Variants in DSC3 observed in about 807,000 individuals in gnomAD.
DSC3 encodes the protein desmocollin 3.
A neutral mutation model predicts 89.5 loss-of-function variants in DSC3; 97 were observed. The observed-to-expected ratio is 1.08, with a 90% confidence interval of 0.92 to 1.28. The LOEUF (loss-of-function observed/expected upper bound fraction) is 1.28, where lower values mean the gene tolerates loss of function less well. Among genes scored for constraint, DSC3 ranks in the 50% most tolerant of loss-of-function variants. The pLI is 0.00. For missense variants in DSC3, 1,199 were observed against 1,085.3 expected, an observed-to-expected ratio of 1.10 and a Z score of -1.47; for synonymous variants, 436 against 384.1, an observed-to-expected ratio of 1.14 and a Z score of -1.58.
intron 7 of DSC3, among the ~76,000 whole-genome samples, chr18:31,021,078 C>G (rs9807290): frequency 0.046 from 6,910 of 150,960 alleles, 519 homozygotes; most frequent in African/African-American, 0.16. Context: ...TATCTCCCAT[C>G]ATTTTTACTT....
intron 8 of DSC3, 92 bp downstream of exon 8, chr18:31,018,571 TATG>T (rs1279479972): frequency 5.4e-6 from 7 of 1,308,184 alleles, no homozygotes; most frequent in South Asian, 2.4e-5. Context: ...TACGTCAAAG[TATG>T]ATACTTCATG....
intron 1 of DSC3, 77 bp from the exon 2 acceptor site, chr18:31,032,353 A>G: frequency 1.7e-6 from 2 of 1,159,230 alleles, no homozygotes; most frequent in Non-Finnish European, 2.6e-6. Context: ...TAGATGTAAA[A>G]CAAGCAACTG....
chr18:31,004,068 A>AT (rs1567950828), intron 13 of DSC3, 74 bp downstream of exon 13: 3 of 1,207,252 alleles, frequency 2.5e-6, no homozygotes, highest in Non-Finnish European at 3.6e-6. Context: ...GGACGAGATT[A>AT]TTTTTTAAAC....
chr18:30,997,374 C>T lies in DSC3; in HGVS notation c.2236-326G>A, dbSNP rs770437957. Among the ~76,000 whole-genome samples, 39 of 152,154 alleles carry T rather than the reference C, an allele frequency of 2.6e-4. No homozygotes were observed. In the Middle Eastern group the frequency reaches 0.02, roughly 80 times the overall value. Reference sequence around the variant, plus strand: ...CAGAAGGTGGAAGGGCAAAAGAGCACGAGTGAGAGGGAGAGGGAGAGAGGG... The same window carrying T: ...CAGAAGGTGGAAGGGCAAAAGAGCATGAGTGAGAGGGAGAGGGAGAGAGGG... On this transcript the variant is annotated intron_variant, in intron 14 of 15. Transcript: ENST00000360428.
At chr18:31,035,246 A>T (rs981542174) in intron 1 of DSC3, among the ~76,000 whole-genome samples, 37 of 152,072 alleles carry the variant, frequency 2.4e-4, no homozygotes, top group African/African-American at 8.9e-4. Context: ...CTAATATGTG[A>T]TCTAAAATTA....
rs766737957 is a variant in DSC3 at position 31,018,097 on chromosome 18, T to C, written c.1237A>G (p.Asn413Asp). The C allele has an allele frequency of 3.3e-5, 53 of 1,612,426 alleles. No individual in the cohort carries two copies. Among genetic ancestry groups the C allele is most frequent in the Non-Finnish European group, 4.5e-5 (53 of 1,179,226 alleles). ...HFKISTDKET[N>D]EGVLSVVKPL... ...TTTACAACAGAAAGAACACCTTCATTAGTTTCTTTGTCTGTGCTGATTTTG... is the reference window on the plus strand; with the variant it reads ...TTTACAACAGAAAGAACACCTTCATCAGTTTCTTTGTCTGTGCTGATTTTG... The change falls in exon 9 of 16, where the codon AAT (asparagine) becomes GAT (aspartate). Residue 413 changes from asparagine to aspartate, a missense_variant. Transcript: ENST00000360428.
chr18:31,006,336 T>C (rs1349944152), intron 12 of DSC3, among the ~76,000 whole-genome samples: 2 of 144,538 alleles, frequency 1.4e-5, no homozygotes, highest in Non-Finnish European at 3.0e-5. Context: ...TCTCCCTCTG[T>C]CCCCCAGGCT....
At chr18:31,014,615 C>T (rs530071915) in intron 9 of DSC3, among the ~76,000 whole-genome samples, 1 of 152,202 alleles carries the variant, frequency 6.6e-6, no homozygotes, top group Admixed American at 6.5e-5. Context: ...ATAGGTTAAG[C>T]ACTTGGCAAA....
intron 12 of DSC3, among the ~76,000 whole-genome samples, chr18:31,006,176 G>A (rs1256957815): frequency 3.9e-5 from 6 of 152,030 alleles, no homozygotes; most frequent in African/African-American, 1.5e-4. Flanking sequence ...ATCCCGCCAG[G>A]TTCACTTCCA....
At chr18:31,021,544 T>C (rs933564020) in intron 7 of DSC3, among the ~76,000 whole-genome samples, 3 of 152,224 alleles carry the variant, frequency 2.0e-5, no homozygotes, top group Non-Finnish European at 4.4e-5. Context: ...TAATATATTT[T>C]CTAGTCATAT....
At chr18:31,032,583 TGTGTGTGCGTGTGC>T (rs780024159) in intron 1 of DSC3, among the ~76,000 whole-genome samples, 3,805 of 117,896 alleles carry the variant, frequency 0.032, 101 homozygotes, top group East Asian at 0.21. Flanking sequence ...TGTGTGTGTG[TGTGTGTGCGTGTGC>T]GTGTGCGTGT....
At position 30,991,682 on chromosome 18, in the gene DSC3, GATACAGCAGGAAA is replaced by G. The variant is rs1331746116; in HGVS notation, c.*2480_*2492del. On this transcript the variant is annotated 3_prime_UTR_variant, in exon 16 of 16. Coordinates refer to ENST00000360428, the MANE Select transcript of DSC3 (RefSeq NM_001941.5). ...AGCCGTTAGATAAAACTGGCTTCTG[GATACAGCAGGAAA>G]TTTCAGCAACTAGGCTTACAGAGAA... 6.6e-6 allele frequency: 1 copy of G among 152,104 alleles called. No individual in the cohort carries two copies. Among genetic ancestry groups the G allele is most frequent in the African/African-American group, 2.4e-5 (1 of 41,422 alleles). 9.4% of individuals were successfully genotyped at this position (152,104 alleles called of 1,614,324 possible). A position where few individuals can be genotyped will look rare whatever the true frequency, so the allele number is the denominator to read the frequency against.
In DSC3 at chr18:30,993,680, GA is replaced by G. The variant is rs763701133; in HGVS notation, c.*494del. On this transcript the variant is annotated 3_prime_UTR_variant, in exon 16 of 16. Coordinates refer to ENST00000360428, the MANE Select transcript of DSC3 (RefSeq NM_001941.5). ...ACACATTTTGCCTCCAAAGTCAAATGAATTTGGTAGTGCAGTAGGGGTGAGT... is the reference window on the plus strand; with the variant it reads ...ACACATTTTGCCTCCAAAGTCAAATGATTTGGTAGTGCAGTAGGGGTGAGT... The G allele has an allele frequency of 1.2e-4, 19 of 156,002 alleles. No individual in the cohort carries two copies. Among genetic ancestry groups the G allele is most frequent in the Non-Finnish European group, 2.6e-4 (18 of 70,552 alleles). 9.7% of individuals were successfully genotyped at this position (156,002 alleles called of 1,614,324 possible).
chr18:31,034,523 C>T (rs547647887), intron 1 of DSC3, among the ~76,000 whole-genome samples: 37 of 152,296 alleles, frequency 2.4e-4, no homozygotes, highest in Non-Finnish European at 4.1e-4. Flanking sequence ...CAAGTCCACT[C>T]TTCCTAAAAG....
At chr18:31,002,928 ACT>A (rs1984715409) in intron 13 of DSC3, among the ~76,000 whole-genome samples, 1 of 151,730 alleles carries the variant, frequency 6.6e-6, no homozygotes, top group Admixed American at 6.6e-5. Flanking sequence ...AAGTGTGCCA[ACT>A]CTTGCCTACC....
intron 14 of DSC3, 64 bp from the exon 15 acceptor site, chr18:30,997,112 G>A (rs982543078): frequency 7.6e-6 from 12 of 1,568,938 alleles, no homozygotes; most frequent in Middle Eastern, 1.7e-4. Context: ...TCATGAGAAG[G>A]CAAAGGAGAG....
intron 7 of DSC3, among the ~76,000 whole-genome samples, chr18:31,019,720 G>C (rs1386823281): frequency 6.7e-6 from 1 of 150,332 alleles, no homozygotes; most frequent in African/African-American, 2.5e-5. Context: ...TTGAGTGGGA[G>C]TTTGAGGTAA....
At chr18:31,042,146 C>T (rs1404597098) in intron 1 of DSC3, among the ~76,000 whole-genome samples, 1 of 152,288 alleles carries the variant, frequency 6.6e-6, no homozygotes, top group East Asian at 1.9e-4. Context: ...TCCGGGTCAA[C>T]TGCGACCCAG....
At chr18:31,015,774 C>T (rs1598540165) in intron 9 of DSC3, among the ~76,000 whole-genome samples, 1 of 152,110 alleles carries the variant, frequency 6.6e-6, no homozygotes, top group Non-Finnish European at 1.5e-5. Context: ...TATTGTCTGC[C>T]CTTCCCAAAT....
Sources: allele counts gnomAD v4.1 joint callset (sites outside exome capture counted in the v4.1 genomes callset), GRCh38; gene constraint gnomAD v4.1.1; transcripts MANE v1.5; gene names NCBI Gene and HGNC (gene_info 2026-07-23, HGNC 2026-07-21).